HEATR5B: variants seen among roughly 807,000 people sequenced by gnomAD.
The protein encoded by HEATR5B is HEAT repeat-containing protein 5B.
HEATR5B carries 156 observed loss-of-function variants against 224.1 expected under a neutral mutation model. The ratio of observed to expected loss-of-function variants is 0.70; its 90% CI spans 0.61 to 0.80. The LOEUF is 0.80. HEATR5B is among the 30% of genes least tolerant of loss of function. HEATR5B has a pLI of 0.00. For synonymous variants in HEATR5B, 1,027 were observed against 893.0 expected (o/e 1.15, Z -2.68); for missense variants, 2,323 against 2,535.5 (o/e 0.92, Z 1.80).
rs369895660 is a variant in HEATR5B, at chr2:37,049,760, G to A, written c.2589C>T (p.Asn863=). ...ALTLVMGPLD[N]PNPILRCAAG... ...CTGCACAACGTAAGATGGGGTTTGGGTTGTCCAGAGGACCCATAACCAGTG... is the reference window on the plus strand; with the variant it reads ...CTGCACAACGTAAGATGGGGTTTGGATTGTCCAGAGGACCCATAACCAGTG... The change falls in exon 18 of 36, where the codon AAC becomes AAT. Residue 863 remains asparagine (N), a synonymous_variant. Transcript: ENST00000233099. 1.9e-6 allele frequency: 3 copies of A among 1,612,172 alleles called. No homozygotes were observed. Among genetic ancestry groups the A allele is most frequent in the East Asian group, 2.2e-5 (1 of 44,648 alleles).
chr2:37,002,001 A>G (rs946934196), intron 32 of HEATR5B, among the ~76,000 whole-genome samples: 28 of 152,212 alleles, frequency 1.8e-4, no homozygotes, highest in African/African-American at 6.0e-4. Context: ...AGTGGCAACC[A>G]GACTGGAAAA....
intron 33 of HEATR5B, 33 bp from the exon 34 acceptor site, chr2:36,990,832 T>G (rs1558696541): frequency 2.0e-6 from 3 of 1,515,426 alleles, no homozygotes; most frequent in Non-Finnish European, 2.7e-6. Flanking sequence ...GTGTGCTGTT[T>G]CTAAAACATT....
At chr2:37,070,060 G>C (rs1671815881) in intron 7 of HEATR5B, among the ~76,000 whole-genome samples, 170 bp downstream of exon 7, 1 of 152,038 alleles carries the variant, frequency 6.6e-6, no homozygotes, top group South Asian at 2.1e-4. Flanking sequence ...ACCACACCTG[G>C]CTAATTTTTT....
intron 11 of HEATR5B, among the ~76,000 whole-genome samples, chr2:37,061,449 A>G (rs2540991): frequency 0.95 from 144,010 of 152,268 alleles, 68,197 homozygotes; most frequent in East Asian, 1. Context: ...GAACTAAAAT[A>G]TGAACATACC....
intron 2 of HEATR5B, among the ~76,000 whole-genome samples, chr2:37,082,692 G>C (rs1050723950): frequency 1.3e-5 from 2 of 152,206 alleles, no homozygotes; most frequent in African/African-American, 4.8e-5. Flanking sequence ...GATACTTTTA[G>C]CTAATCGAAT....
chr2:36,990,050 T>C (rs538653396), intron 34 of HEATR5B, among the ~76,000 whole-genome samples: 1 of 151,936 alleles, frequency 6.6e-6, no homozygotes, highest in East Asian at 1.9e-4. Context: ...TACAGGCGCA[T>C]GCCACCACAC....
intron 31 of HEATR5B, among the ~76,000 whole-genome samples, chr2:37,002,789 T>A (rs1162696445): frequency 6.6e-6 from 1 of 152,214 alleles, no homozygotes; most frequent in Admixed American, 6.5e-5. Context: ...AAAATCTTTA[T>A]CAGGTATTTT....
At chr2:37,066,546 T>G (rs1299186167) in intron 8 of HEATR5B, among the ~76,000 whole-genome samples, 1 of 152,160 alleles carries the variant, frequency 6.6e-6, no homozygotes, top group African/African-American at 2.4e-5. Context: ...TTTCTGTAAG[T>G]TCCCATTAAT....
chr2:37,032,775 T>C lies in HEATR5B; in HGVS notation c.3217-2A>G. The stretch of plus-strand genomic sequence containing the variant: ...CAAATGGGAACTACATAAGTGAACC[T>C]GTAAATCATAACAATGTTAGGCGAT... On this transcript the variant is annotated splice_acceptor_variant, in intron 21 of 35. Coordinates refer to ENST00000233099, the MANE Select transcript of HEATR5B (RefSeq NM_019024.3). LOFTEE classifies it high-confidence loss of function. 1.9e-6 allele frequency: 3 copies of C among 1,608,384 alleles called. No individual in the cohort carries two copies. The highest frequency in any genetic ancestry group is 1.1e-5 in the South Asian group (1 of 89,210).
At chr2:36,982,863 TACACACACACACACACAC>T (rs3836070) in intron 35 of HEATR5B, among the ~76,000 whole-genome samples, 30 of 126,060 alleles carry the variant, frequency 2.4e-4, no homozygotes, top group Middle Eastern at 4.0e-3. Context: ...CAGACACAGA[TACACACACACACACACAC>T]ACACACACAC....
In HEATR5B at chr2:36,990,756, T is replaced by C; in HGVS notation, c.5589A>G (p.Ala1863=). The C allele has an allele frequency of 1.9e-6, 3 of 1,611,748 alleles. No individual in the cohort carries two copies. The highest frequency in any genetic ancestry group is 2.5e-6 in the Non-Finnish European group (3 of 1,178,552). ...TAGCAGACCACAGGAAGAGTGCAAT[T>C]GCTGTTAGCATGCTTACTTCATCAG... The part of the protein sequence containing the change: ...PTPDEVSMLT[A]IALFLWSASN... The change falls in exon 34 of 36, where the codon GCA becomes GCG. Residue 1863 remains alanine, a synonymous_variant. Transcript: ENST00000233099.
chr2:37,025,299 C>T (rs6731315), intron 24 of HEATR5B, among the ~76,000 whole-genome samples: 1 of 151,866 alleles, frequency 6.6e-6, no homozygotes, highest in African/African-American at 2.4e-5. Flanking sequence ...GGGCAATCCA[C>T]CTCCACACTG....
chr2:37,072,280 C>A lies in HEATR5B; in HGVS notation c.599G>T (p.Cys200Phe). The A allele has an allele frequency of 6.3e-7, 1 of 1,595,814 alleles. No individual in the cohort carries two copies. Among genetic ancestry groups the A allele is most frequent in the Non-Finnish European group, 8.6e-7 (1 of 1,168,236 alleles). ...AGCTTCATTCTGTAGTTCTAGTAGA[C>A]ACTGGAATTAAAAACAAAAAAGTAA... Reference protein sequence around the residue: ...SMAVRCAVAKCLLELQNEAVF... With the variant: ...SMAVRCAVAKFLLELQNEAVF... The change falls in exon 6 of 36, where the codon TGT (cysteine) becomes TTT (phenylalanine). Residue 200 changes from cysteine (C) to phenylalanine (F), a missense_variant and splice_region_variant. By Grantham distance (205) the Cys-to-Phe change is radical (BLOSUM62 -2). Transcript: ENST00000233099.
chr2:37,000,501 G>T, intron 33 of HEATR5B, 85 bp downstream of exon 33: 3 of 1,046,560 alleles, frequency 2.9e-6, no homozygotes, highest in Non-Finnish European at 3.0e-6. Context: ...TTATACAGCA[G>T]TTTTCTGATA....
chr2:37,005,206 G>A (rs962556886), intron 30 of HEATR5B, among the ~76,000 whole-genome samples: 17 of 152,014 alleles, frequency 1.1e-4, no homozygotes, highest in Non-Finnish European at 4.4e-5. Flanking sequence ...CCTAGTGTTC[G>A]TATTTGCTAT....
intron 24 of HEATR5B, among the ~76,000 whole-genome samples, chr2:37,025,815 T>G (rs2148453880): frequency 6.6e-6 from 1 of 152,312 alleles, no homozygotes; most frequent in South Asian, 2.1e-4. Flanking sequence ...ACACTTATGA[T>G]TCCTTGGCTT....
At chr2:37,003,722 T>A in intron 30 of HEATR5B, 36 bp from the exon 31 acceptor site, 1 of 1,437,088 alleles carries the variant, frequency 7.0e-7, no homozygotes, top group Non-Finnish European at 9.4e-7. Context: ...TTAAGTAATT[T>A]CAATCTCAAA....
At chr2:37,051,891 C>T (rs902402297) in intron 17 of HEATR5B, among the ~76,000 whole-genome samples, 2 of 152,140 alleles carry the variant, frequency 1.3e-5, no homozygotes, top group Non-Finnish European at 2.9e-5. Context: ...AGGCACCTGA[C>T]ACCACGCCTG....
intron 16 of HEATR5B, among the ~76,000 whole-genome samples, chr2:37,054,654 T>G (rs921877874): frequency 6.6e-6 from 1 of 151,260 alleles, no homozygotes; most frequent in Admixed American, 6.6e-5. Flanking sequence ...CCAGCTAATT[T>G]TGTATTTTTA....
Sources: gnomAD v4.1 joint callset for allele counts (sites outside exome capture counted in the v4.1 genomes callset) on GRCh38, gnomAD v4.1.1 for gene constraint, MANE v1.5 for transcripts, NCBI Gene and HGNC (gene_info 2026-07-23, HGNC 2026-07-21) for gene names.